ANKRD44: variants seen among roughly 807,000 people sequenced by gnomAD.
ANKRD44 encodes serine/threonine-protein phosphatase 6 regulatory ankyrin repeat subunit B.
ANKRD44 carries 35 observed loss-of-function variants against 116.0 expected under a neutral mutation model. That is an observed-to-expected ratio of 0.30 (90% confidence interval 0.23 to 0.40). ANKRD44 has a LOEUF of 0.40. ANKRD44 is among the 10% of genes least tolerant of loss of function. The pLI is 1.00. For synonymous variants in ANKRD44, 435 were observed against 461.8 expected, an observed-to-expected ratio of 0.94 and a Z score of 0.74; for missense variants, 1,014 against 1,242.6, an observed-to-expected ratio of 0.82 and a Z score of 2.77.
At chr2:197,224,004 A>C (rs1354607622) in intron 1 of ANKRD44, among the ~76,000 whole-genome samples, 5 of 152,212 alleles carry the variant, frequency 3.3e-5, no homozygotes, top group Non-Finnish European at 7.3e-5. Context: ...GTGTTATAGA[A>C]TGCATTTTTA....
intron 4 of ANKRD44, among the ~76,000 whole-genome samples, chr2:197,126,920 C>T (rs373564401): frequency 1.8e-4 from 28 of 151,826 alleles, no homozygotes; most frequent in African/African-American, 6.8e-4. Context: ...AGGAGTTTGA[C>T]GTGATCACAA....
chr2:197,004,670 A>G (rs2076171784), intron 21 of ANKRD44, among the ~76,000 whole-genome samples: 3 of 152,172 alleles, frequency 2.0e-5, no homozygotes, highest in Admixed American at 2.0e-4. Context: ...TTGGTGAAAT[A>G]ATAAATTTTG....
Position 197,111,825 on chromosome 2 carries a change from A to T in ANKRD44, c.907-981T>A, listed in dbSNP as rs547235388. 1.5e-3 allele frequency among the ~76,000 whole-genome samples: 221 copies of T among 152,234 alleles called. 1 individual carries two copies. Among genetic ancestry groups the T allele is most frequent in the African/African-American group, 5.0e-3 (207 of 41,548 alleles). Reference sequence around the variant, plus strand: ...ATAATTTTTTATTGTTCCAAAAGAGAATCTCTTACTTTACTTAACTCATTA... The same window carrying T: ...ATAATTTTTTATTGTTCCAAAAGAGTATCTCTTACTTTACTTAACTCATTA... On this transcript the variant is annotated intron_variant, in intron 8 of 27. Coordinates refer to ENST00000282272, the MANE Select transcript of ANKRD44 (RefSeq NM_001195144.2).
chr2:197,260,043 C>A (rs775692905), intron 1 of ANKRD44, among the ~76,000 whole-genome samples: 1 of 152,202 alleles, frequency 6.6e-6, no homozygotes, highest in African/African-American at 2.4e-5. Context: ...GGTAAGACTA[C>A]TTTTCCTAGA....
intron 1 of ANKRD44, among the ~76,000 whole-genome samples, chr2:197,227,983 A>G (rs1056584570): frequency 8.5e-5 from 13 of 152,234 alleles, no homozygotes; most frequent in African/African-American, 3.1e-4. Flanking sequence ...CTAAATTCCA[A>G]AACAAAAGAG....
intron 27 of ANKRD44, 113 bp downstream of exon 27, chr2:196,993,469 AG>A (rs2075956711): frequency 2.4e-6 from 2 of 821,280 alleles, no homozygotes; most frequent in African/African-American, 3.4e-5. Context: ...AGGACTTCCA[AG>A]GGGGACAGAA....
intron 1 of ANKRD44, among the ~76,000 whole-genome samples, chr2:197,265,792 T>C (rs1412965397): frequency 6.6e-6 from 1 of 152,078 alleles, no homozygotes; most frequent in African/African-American, 2.4e-5. Flanking sequence ...AAGCACATAA[T>C]TCCATGATGT....
At chr2:197,284,010 G>C (rs1446749870) in intron 1 of ANKRD44, among the ~76,000 whole-genome samples, 2 of 152,140 alleles carry the variant, frequency 1.3e-5, no homozygotes, top group East Asian at 1.9e-4. Flanking sequence ...GTTAACTACT[G>C]TCTCCTCTCC....
Position 196,995,424 on chromosome 2 carries a change from A to G in ANKRD44, c.2786T>C (p.Ile929Thr), listed in dbSNP as rs2075995612. The G allele has an allele frequency of 6.2e-7, 1 of 1,612,660 alleles. No individual in the cohort carries two copies. The highest frequency in any genetic ancestry group is 8.5e-7 in the Non-Finnish European group (1 of 1,179,316). The change falls in exon 26 of 28, where the codon ATA becomes ACA. Residue 929 changes from isoleucine (I) to threonine (T), a missense_variant. Transcript: ENST00000282272. ...EKCALLILDK[I>T]QDESLINEKN... Reference sequence around the variant, plus strand: ...TTCATTAATAAGGCTCTCGTCTTGTATCTTGTCAAGTATTAACAAGGCACA... The same window carrying G: ...TTCATTAATAAGGCTCTCGTCTTGTGTCTTGTCAAGTATTAACAAGGCACA...
chr2:197,289,281 A>T, intron 1 of ANKRD44, among the ~76,000 whole-genome samples: 1 of 152,362 alleles, frequency 6.6e-6, no homozygotes, highest in South Asian at 2.1e-4. Context: ...CCAAGTGTTG[A>T]CAAGGATGTG....
At chr2:197,046,861 G>A (rs2077011061) in intron 16 of ANKRD44, among the ~76,000 whole-genome samples, 1 of 152,096 alleles carries the variant, frequency 6.6e-6, no homozygotes, top group South Asian at 2.1e-4. Context: ...CACAACCTGG[G>A]TTTTCCCATG....
intron 1 of ANKRD44, among the ~76,000 whole-genome samples, chr2:197,247,505 CTA>C (rs1391772153): frequency 6.6e-6 from 1 of 152,176 alleles, no homozygotes; most frequent in East Asian, 1.9e-4. Context: ...ACCAATTCTT[CTA>C]TATAAATTAG....
rs138330364 is a variant in ANKRD44 at position 197,218,751 on chromosome 2, C to CTT, written c.28-31647_28-31646dup. 2.0e-3 allele frequency among the ~76,000 whole-genome samples: 105 copies of CTT among 52,328 alleles called. 13 individuals carry two copies. The highest frequency in any genetic ancestry group is 6.8e-3 in the African/African-American group (98 of 14,422). 34.3% of individuals were successfully genotyped at this position (52,328 alleles called of 152,430 possible). ...TTCCTGGTATGGGAGGGTAAAGTCC[C>CTT]TTTTTTTTTTTTTTTTTTTTTTTTT... On this transcript the variant is annotated intron_variant, in intron 1 of 27. Coordinates refer to ENST00000282272, the MANE Select transcript of ANKRD44 (RefSeq NM_001195144.2).
intron 2 of ANKRD44, among the ~76,000 whole-genome samples, chr2:197,180,387 T>C (rs1263206150): frequency 6.6e-6 from 1 of 152,240 alleles, no homozygotes; most frequent in Non-Finnish European, 1.5e-5. Context: ...TGGGCCACAC[T>C]GCACCTGCAT....
chr2:197,260,914 T>A (rs1345881467), intron 1 of ANKRD44, among the ~76,000 whole-genome samples: 1 of 112,626 alleles, frequency 8.9e-6, no homozygotes, highest in East Asian at 2.6e-4. Context: ...GCCCACTTTT[T>A]GATGGGGTTG....
chr2:197,210,261 G>A (rs766506102), intron 1 of ANKRD44, among the ~76,000 whole-genome samples: 1 of 152,216 alleles, frequency 6.6e-6, no homozygotes, highest in African/African-American at 2.4e-5. Flanking sequence ...CTGGGCTTGA[G>A]ATGTGTTGAG....
intron 1 of ANKRD44, among the ~76,000 whole-genome samples, chr2:197,284,885 C>CA (rs11367623): frequency 3.2e-3 from 451 of 142,116 alleles, no homozygotes; most frequent in African/African-American, 7.1e-3. Flanking sequence ...GACTCCATCT[C>CA]AAAAAAAAAA....
intron 8 of ANKRD44, among the ~76,000 whole-genome samples, chr2:197,117,495 C>T (rs889693998): frequency 2.6e-5 from 4 of 152,190 alleles, no homozygotes; most frequent in African/African-American, 7.2e-5. Context: ...GCCTTGGCCT[C>T]CCAAAGTGCT....
intron 3 of ANKRD44, among the ~76,000 whole-genome samples, chr2:197,139,139 T>C (rs1310755262): frequency 6.6e-6 from 1 of 152,110 alleles, no homozygotes; most frequent in Non-Finnish European, 1.5e-5. Flanking sequence ...CTAGTAAAAT[T>C]GATGACATGC....
Sources: allele counts gnomAD v4.1 joint callset (sites outside exome capture counted in the v4.1 genomes callset), GRCh38; gene constraint gnomAD v4.1.1; transcripts MANE v1.5; gene names NCBI Gene and HGNC (gene_info 2026-07-23, HGNC 2026-07-21).